Variants in LIPA observed in about 807,000 individuals in gnomAD.
LIPA encodes the protein lysosomal acid lipase/cholesteryl ester hydrolase.
In LIPA, 26 loss-of-function variants were observed where a neutral mutation model predicts 40.6. That is an observed-to-expected ratio of 0.64 (90% CI 0.47 to 0.89). LIPA has a LOEUF of 0.89. Ranked by LOEUF, LIPA falls within the 40% of genes least tolerant of loss-of-function variation. The pLI, the probability that LIPA is intolerant of heterozygous loss-of-function variation, is 0.00. For synonymous variants in LIPA, 188 were observed against 168.4 expected (o/e 1.12, Z -0.90); for missense variants, 455 against 479.6 (o/e 0.95, Z 0.48).
intron 8 of LIPA, among the ~76,000 whole-genome samples, chr10:89,220,843 G>C (rs1387352894): frequency 6.6e-6 from 1 of 152,138 alleles, no homozygotes; most frequent in Non-Finnish European, 1.5e-5. Context: ...TGGAGCAAAA[G>C]AATCTACCAG....
chr10:89,291,578 C>A (rs1260927947), intron 1 of LIPA, among the ~76,000 whole-genome samples: 1 of 151,930 alleles, frequency 6.6e-6, no homozygotes, highest in Non-Finnish European at 1.5e-5. Flanking sequence ...AAGCATGAGA[C>A]CACAAGGAGT....
chr10:89,264,797 T>C (rs2095051), intron 1 of LIPA, among the ~76,000 whole-genome samples: 112,402 of 152,192 alleles, frequency 0.74, 42,653 homozygotes, highest in East Asian at 0.97. Context: ...CTGGAACTGA[T>C]AGGTTGGCCC....
chr10:89,276,218 G>C (rs1259767416), intron 1 of LIPA, among the ~76,000 whole-genome samples: 1 of 152,134 alleles, frequency 6.6e-6, no homozygotes, highest in Non-Finnish European at 1.5e-5. Flanking sequence ...TAAATTTTAT[G>C]CCCTAGGCCC....
chr10:89,274,503 T>C (rs1438271466), intron 1 of LIPA, among the ~76,000 whole-genome samples: 1 of 152,224 alleles, frequency 6.6e-6, no homozygotes, highest in Non-Finnish European at 1.5e-5. Flanking sequence ...AGAAAGAGAC[T>C]GTTGGGTTGA....
intron 2 of LIPA, among the ~76,000 whole-genome samples, chr10:89,359,175 T>C (rs1258452269): frequency 6.6e-6 from 1 of 152,128 alleles, no homozygotes; most frequent in East Asian, 1.9e-4. Context: ...GGAAGCTTGA[T>C]GTGGGCCTCA....
intron 1 of LIPA, among the ~76,000 whole-genome samples, chr10:89,288,998 C>A (rs1843355954): frequency 6.6e-6 from 1 of 152,236 alleles, no homozygotes; most frequent in Non-Finnish European, 1.5e-5. Context: ...ACTGCAAGGG[C>A]CATCAAAAGG....
intron 5 of LIPA, among the ~76,000 whole-genome samples, chr10:89,226,553 C>T (rs549563963): frequency 1.6e-4 from 25 of 152,212 alleles, no homozygotes; most frequent in African/African-American, 6.0e-4. Context: ...AGTTATATTC[C>T]ACTTAACTTC....
At chr10:89,254,992 A>C (rs1183744253), upstream of LIPA, among the ~76,000 whole-genome samples, 1 of 152,210 alleles carries the variant, frequency 6.6e-6, no homozygotes, top group African/African-American at 2.4e-5. Flanking sequence ...ATTTTGGTCA[A>C]AGCCATTCAA....
chr10:89,226,403 A>G (rs1401181332), intron 5 of LIPA, among the ~76,000 whole-genome samples: 2 of 152,194 alleles, frequency 1.3e-5, no homozygotes, highest in Non-Finnish European at 2.9e-5. Flanking sequence ...AATTATGGGC[A>G]ATTTTTATTT....
chr10:89,359,703 A>AGGG (rs1211329462), intron 2 of LIPA, among the ~76,000 whole-genome samples: 1 of 152,178 alleles, frequency 6.6e-6, no homozygotes, highest in Non-Finnish European at 1.5e-5. Context: ...ATTTGACAAA[A>AGGG]GGGGAGCTCA....
intron 3 of LIPA, among the ~76,000 whole-genome samples, chr10:89,243,035 A>G (rs1489892990): frequency 1.3e-5 from 2 of 152,200 alleles, no homozygotes; most frequent in Non-Finnish European, 2.9e-5. Flanking sequence ...AGGCTAGGTC[A>G]TTAGGAGGAT....
intron 1 of LIPA, among the ~76,000 whole-genome samples, chr10:89,336,215 G>T (rs1014617818): frequency 7.3e-5 from 11 of 151,574 alleles, no homozygotes; most frequent in African/African-American, 2.7e-4. Context: ...AATAGGGAGG[G>T]AGGAAGAGAG....
chr10:89,271,679 G>A (rs1843266243), intron 1 of LIPA, among the ~76,000 whole-genome samples: 1 of 152,182 alleles, frequency 6.6e-6, no homozygotes, highest in Non-Finnish European at 1.5e-5. Flanking sequence ...CTTTAAGAAT[G>A]AAGGTATGGG....
At chr10:89,341,882 A>G (rs1187172036) in intron 1 of LIPA, among the ~76,000 whole-genome samples, 4 of 152,242 alleles carry the variant, frequency 2.6e-5, no homozygotes, top group African/African-American at 9.6e-5. Flanking sequence ...AACATAGTAC[A>G]TCATGGTGAC....
At chr10:89,379,142 T>G (rs1487283036) in intron 2 of LIPA, among the ~76,000 whole-genome samples, 1 of 152,268 alleles carries the variant, frequency 6.6e-6, no homozygotes, top group Non-Finnish European at 1.5e-5. Context: ...TGTTTGTTTT[T>G]GATACCAAGT....
intron 1 of LIPA, among the ~76,000 whole-genome samples, chr10:89,274,652 T>C (rs1055623176): frequency 2.0e-5 from 3 of 152,176 alleles, no homozygotes; most frequent in African/African-American, 7.2e-5. Context: ...TCCCGTTTAT[T>C]GCTGCTGAAA....
intron 2 of LIPA, among the ~76,000 whole-genome samples, chr10:89,360,822 A>C (rs937150986): frequency 6.6e-6 from 1 of 152,208 alleles, no homozygotes; most frequent in Non-Finnish European, 1.5e-5. Context: ...TGGGTGGCTT[A>C]AAACCACAGA....
intron 2 of LIPA, among the ~76,000 whole-genome samples, chr10:89,394,615 TATATATATATATAA>T (rs1419182628): frequency 0.059 from 1,747 of 29,596 alleles, 123 homozygotes; most frequent in African/African-American, 0.21. Flanking sequence ...TATATATATA[TATATATATATATAA>T]AACTTGAATT....
chr10:89,233,590 T>C (rs1411551662), intron 3 of LIPA, among the ~76,000 whole-genome samples: 1 of 152,228 alleles, frequency 6.6e-6, no homozygotes, highest in Non-Finnish European at 1.5e-5. Context: ...AAAGTCATTG[T>C]GGTTTTTGCC....
Sources: allele counts gnomAD v4.1 joint callset (sites outside exome capture counted in the v4.1 genomes callset), GRCh38; gene constraint gnomAD v4.1.1; transcripts MANE v1.5; gene names NCBI Gene and HGNC (gene_info 2026-07-23, HGNC 2026-07-21).